Variants in FGF12 observed in about 807,000 individuals in gnomAD.
FGF12 encodes the protein fibroblast growth factor 12.
In FGF12, 14 loss-of-function variants were observed where a neutral mutation model predicts 23.6. The ratio of observed to expected loss-of-function variants is 0.59; its 90% confidence interval spans 0.39 to 0.93. The LOEUF is 0.93. Ranked by LOEUF, FGF12 falls within the 40% of genes least tolerant of loss-of-function variation. FGF12 has a pLI of 0.00. For synonymous variants in FGF12, 62 were observed against 77.3 expected (o/e 0.80, Z 1.04); for missense variants, 175 against 217.8 (o/e 0.80, Z 1.24).
At chr3:192,654,418 T>C (rs1716322044) in intron 2 of FGF12, among the ~76,000 whole-genome samples, 1 of 151,920 alleles carries the variant, frequency 6.6e-6, no homozygotes, top group African/African-American at 2.4e-5. Flanking sequence ...ATCTAAATGA[T>C]AAAAAAAATA....
chr3:192,403,849 C>G (rs940123950), intron 2 of FGF12, among the ~76,000 whole-genome samples: 1 of 151,972 alleles, frequency 6.6e-6, no homozygotes, highest in African/African-American at 2.4e-5. Flanking sequence ...CAAAAGGATA[C>G]GTTTTATAAT....
At chr3:192,404,528 C>T in intron 2 of FGF12, among the ~76,000 whole-genome samples, 1 of 152,154 alleles carries the variant, frequency 6.6e-6, no homozygotes, top group East Asian at 1.9e-4. Context: ...TACTAATAGT[C>T]TAGATACAAC....
At chr3:192,553,957 C>A (rs370461245) in intron 2 of FGF12, among the ~76,000 whole-genome samples, 4 of 152,170 alleles carry the variant, frequency 2.6e-5, no homozygotes, top group African/African-American at 9.7e-5. Flanking sequence ...TGGCTCAGTG[C>A]AGAATGAGTA....
rs150828271 is a variant in FGF12, at chr3:192,300,549, G to T, written c.228+34812C>A. Reference sequence around the variant, plus strand: ...TGGTCAAGTCAGGTCTTTCTTGGGGGCGGTCATGAGAAGTAAGAGTGAAGA... The same window carrying T: ...TGGTCAAGTCAGGTCTTTCTTGGGGTCGGTCATGAGAAGTAAGAGTGAAGA... On this transcript the variant is annotated intron_variant, in intron 4 of 5. Coordinates refer to ENST00000445105, the MANE Select transcript of FGF12 (RefSeq NM_004113.6). Among the ~76,000 whole-genome samples, 152 of 152,092 alleles carry T rather than the reference G, an allele frequency of 1.0e-3. 6 individuals carry two copies. In the East Asian group the frequency reaches 0.021, roughly 21 times the overall value.
At chr3:192,439,832 C>T (rs534789096) in intron 2 of FGF12, among the ~76,000 whole-genome samples, 89 of 151,988 alleles carry the variant, frequency 5.9e-4, no homozygotes, top group Non-Finnish European at 9.4e-4. Context: ...AAAAATTTAG[C>T]CGGGTGTGGT....
intron 4 of FGF12, among the ~76,000 whole-genome samples, chr3:192,218,574 A>G (rs1262738458): frequency 6.6e-6 from 1 of 152,148 alleles, no homozygotes. Context: ...TATGTCAACC[A>G]TAATTGTGAG....
intron 4 of FGF12, among the ~76,000 whole-genome samples, chr3:192,257,537 A>G (rs1431653225): frequency 2.0e-5 from 3 of 152,130 alleles, no homozygotes; most frequent in Non-Finnish European, 2.9e-5. Flanking sequence ...AGATTTCTCC[A>G]TATCTTCTCT....
chr3:192,608,573 C>T (rs1714432530), intron 2 of FGF12, among the ~76,000 whole-genome samples: 2 of 152,110 alleles, frequency 1.3e-5, no homozygotes, highest in African/African-American at 2.4e-5. Context: ...ATGGCAGAAT[C>T]GTCTCATATT....
At chr3:192,519,449 A>AG (rs560018026) in intron 2 of FGF12, among the ~76,000 whole-genome samples, 235 of 152,262 alleles carry the variant, frequency 1.5e-3, no homozygotes, top group African/African-American at 5.4e-3. Context: ...TCATTATGGC[A>AG]GGGGGGAGGG....
intron 3 of FGF12, among the ~76,000 whole-genome samples, chr3:192,348,784 A>C (rs1285705600): frequency 2.6e-5 from 4 of 152,162 alleles, no homozygotes; most frequent in Non-Finnish European, 2.9e-5. Flanking sequence ...CTTTAAGGCC[A>C]TGGACTAATT....
At chr3:192,154,259 A>C (rs1352054183) in intron 5 of FGF12, among the ~76,000 whole-genome samples, 1 of 103,824 alleles carries the variant, frequency 9.6e-6, no homozygotes, top group African/African-American at 3.6e-5. Context: ...TTTGGTTTGA[A>C]TGTCCTCCCG....
chr3:192,479,704 T>C lies in FGF12; in HGVS notation c.14-119166A>G, dbSNP rs115623715. Among the ~76,000 whole-genome samples, 1,132 of 152,276 alleles carry C rather than the reference T, an allele frequency of 7.4e-3. 13 individuals carry two copies. Among genetic ancestry groups the C allele is most frequent in the African/African-American group, 0.026 (1,091 of 41,550 alleles). ...TCTCATGACAATGCTACCCAGTTCA[T>C]TTGGTCCATTTTAACTGAATGCCTC... On this transcript the variant is annotated intron_variant, in intron 2 of 5. Coordinates refer to ENST00000445105, the MANE Select transcript of FGF12 (RefSeq NM_004113.6).
rs139658785 is a variant in FGF12 at position 192,164,657 on chromosome 3, A to G, written c.427+5801T>C. ...AAAACCCAAAGCCAAAAAAAACCCT[A>G]CTTTGGCTTTTCCTCCCTAAGAGGA... is the stretch of plus-strand genomic sequence containing the variant. On this transcript the variant is annotated intron_variant, in intron 5 of 5. Transcript: ENST00000445105. 3.4e-3 allele frequency among the ~76,000 whole-genome samples: 515 copies of G among 152,260 alleles called. 1 individual carries two copies. Among genetic ancestry groups the G allele is most frequent in the African/African-American group, 0.011 (441 of 41,546 alleles).
At chr3:192,231,408 T>C (rs1267423886) in intron 4 of FGF12, among the ~76,000 whole-genome samples, 1 of 152,190 alleles carries the variant, frequency 6.6e-6, no homozygotes, top group African/African-American at 2.4e-5. Context: ...TGTATTTTCA[T>C]GCATTTAAAT....
intron 2 of FGF12, among the ~76,000 whole-genome samples, chr3:192,653,059 ACAT>A (rs1297931283): frequency 5.2e-4 from 79 of 152,314 alleles, no homozygotes; most frequent in African/African-American, 1.8e-3. Context: ...GCCTTCTGTA[ACAT>A]CATATTTCGA....
chr3:192,237,209 C>T (rs1187240909), intron 4 of FGF12, among the ~76,000 whole-genome samples: 1 of 152,154 alleles, frequency 6.6e-6, no homozygotes, highest in Non-Finnish European at 1.5e-5. Flanking sequence ...TGCACTATAG[C>T]CTGGCGGAGT....
chr3:192,510,388 T>C (rs901994529), intron 2 of FGF12, among the ~76,000 whole-genome samples: 2 of 152,206 alleles, frequency 1.3e-5, no homozygotes, highest in Admixed American at 6.5e-5. Flanking sequence ...TTCAATATCA[T>C]ATGTCATCAG....
At chr3:192,576,814 C>T (rs1484709962) in intron 2 of FGF12, among the ~76,000 whole-genome samples, 2 of 152,088 alleles carry the variant, frequency 1.3e-5, no homozygotes, top group Non-Finnish European at 2.9e-5. Flanking sequence ...CCCAAATGCC[C>T]ATCAGTGATA....
At chr3:192,591,916 T>C (rs1355802968) in intron 2 of FGF12, among the ~76,000 whole-genome samples, 1 of 151,858 alleles carries the variant, frequency 6.6e-6, no homozygotes, top group Non-Finnish European at 1.5e-5. Flanking sequence ...AAGCATTTTT[T>C]TTCTTTTTTT....
Sources: allele counts gnomAD v4.1 joint callset (sites outside exome capture counted in the v4.1 genomes callset), GRCh38; gene constraint gnomAD v4.1.1; transcripts MANE v1.5; gene names NCBI Gene and HGNC (gene_info 2026-07-23, HGNC 2026-07-21).